Variants in PACRG observed in about 807,000 individuals in gnomAD.
PACRG encodes parkin coregulated gene protein.
In PACRG, 29 loss-of-function variants were observed where a neutral mutation model predicts 29.7. That is an observed-to-expected ratio of 0.98 (90% CI 0.73 to 1.33). The LOEUF is 1.33. Ranked by LOEUF, PACRG falls within the 40% of genes most tolerant of loss-of-function variation. The pLI is 0.00. For synonymous variants in PACRG, 116 were observed against 118.7 expected, an observed-to-expected ratio of 0.98 and a Z score of 0.15; for missense variants, 279 against 316.2, an observed-to-expected ratio of 0.88 and a Z score of 0.89.
At position 163,234,190 on chromosome 6, in the gene PACRG, C is replaced by T. The variant is rs890024285; in HGVS notation, c.614-80637C>T. On this transcript the variant is annotated intron_variant, in intron 4 of 4. Coordinates refer to ENST00000366888, the MANE Select transcript of PACRG (RefSeq NM_001080379.2). ...TATGGTTTGGATATAGCTTGTTTGG[C>T]GCTGCCAAGTCTCATGTTGAAATTT... Among the ~76,000 whole-genome samples the T allele has an allele frequency of 5.3e-5, 8 of 151,892 alleles. No individual in the cohort carries two copies. The East Asian group carries it at 1.2e-3, about 22-fold the overall frequency.
At chr6:163,116,718 G>T (rs1028304041) in intron 4 of PACRG, among the ~76,000 whole-genome samples, 1 of 152,224 alleles carries the variant, frequency 6.6e-6, no homozygotes, top group Non-Finnish European at 1.5e-5. Context: ...CAGGATAATG[G>T]AGAGGAGGAA....
Position 163,118,410 on chromosome 6 carries a change from G to T in PACRG, c.613+29002G>T, listed in dbSNP as rs561500594. Among the ~76,000 whole-genome samples the T allele has an allele frequency of 2.6e-5, 4 of 152,336 alleles. No individual in the cohort carries two copies. The South Asian group carries it at 8.3e-4, about 32-fold the overall frequency. Reference sequence around the variant, plus strand: ...ATGTGGAAGGGAAGGTTTGAGAGAAGTGAGGCCCCATTCTTTAAGGTGTGA... The same window carrying T: ...ATGTGGAAGGGAAGGTTTGAGAGAATTGAGGCCCCATTCTTTAAGGTGTGA... On this transcript the variant is annotated intron_variant, in intron 4 of 4. Transcript: ENST00000366888.
intron 4 of PACRG, among the ~76,000 whole-genome samples, chr6:163,272,214 T>G (rs1196383189): frequency 6.6e-6 from 1 of 152,114 alleles, no homozygotes; most frequent in Non-Finnish European, 1.5e-5. Flanking sequence ...AATTTTTGTA[T>G]TTTTAGTAGA....
At chr6:163,040,779 G>T (rs1278646418) in intron 2 of PACRG, among the ~76,000 whole-genome samples, 1 of 152,186 alleles carries the variant, frequency 6.6e-6, no homozygotes, top group Admixed American at 6.5e-5. Flanking sequence ...TTTACCCAAT[G>T]CCTGTACCCC....
At chr6:163,129,318 T>C (rs1390975440) in intron 4 of PACRG, among the ~76,000 whole-genome samples, 1 of 152,252 alleles carries the variant, frequency 6.6e-6, no homozygotes, top group Non-Finnish European at 1.5e-5. Context: ...TCACAGGACA[T>C]TGTCGTTTTT....
At chr6:163,154,094 A>G (rs1778216615) in intron 4 of PACRG, among the ~76,000 whole-genome samples, 1 of 152,228 alleles carries the variant, frequency 6.6e-6, no homozygotes, top group African/African-American at 2.4e-5. Flanking sequence ...GGGATGTCCC[A>G]GTCTCAGAAC....
At chr6:163,026,580 A>G (rs1807150893) in intron 2 of PACRG, among the ~76,000 whole-genome samples, 1 of 152,196 alleles carries the variant, frequency 6.6e-6, no homozygotes. Context: ...TGTTGGTAGG[A>G]GAAGCATCAA....
intron 1 of PACRG, among the ~76,000 whole-genome samples, chr6:162,807,128 A>G (rs1280022281): frequency 6.6e-6 from 1 of 152,190 alleles, no homozygotes; most frequent in Non-Finnish European, 1.5e-5. Context: ...CACAGAATTG[A>G]AGACAGTTAG....
intron 2 of PACRG, among the ~76,000 whole-genome samples, chr6:162,886,290 G>T (rs766978496): frequency 7.2e-5 from 11 of 152,008 alleles, no homozygotes; most frequent in Non-Finnish European, 1.3e-4. Context: ...AGTGTCTCTG[G>T]CCAGTCATTC....
At chr6:162,862,331 T>C (rs1397514195) in intron 2 of PACRG, among the ~76,000 whole-genome samples, 1 of 152,118 alleles carries the variant, frequency 6.6e-6, no homozygotes, top group Non-Finnish European at 1.5e-5. Flanking sequence ...GAGAGGGAAG[T>C]GCTGGCTGAA....
At chr6:163,199,269 C>G (rs1215687901) in intron 4 of PACRG, among the ~76,000 whole-genome samples, 3 of 152,190 alleles carry the variant, frequency 2.0e-5, no homozygotes, top group Non-Finnish European at 4.4e-5. Flanking sequence ...GTTTCCTGCC[C>G]TCAACTAAAT....
At chr6:162,742,728 A>G (rs887711132) in intron 1 of PACRG, among the ~76,000 whole-genome samples, 2 of 152,038 alleles carry the variant, frequency 1.3e-5, no homozygotes, top group Admixed American at 6.6e-5. Context: ...TTCTTTAACT[A>G]TTCATCCATT....
chr6:163,124,410 A>G (rs1416959128), intron 4 of PACRG, among the ~76,000 whole-genome samples: 1 of 152,178 alleles, frequency 6.6e-6, no homozygotes, highest in African/African-American at 2.4e-5. Context: ...ATAATCAATT[A>G]CCTAAGACCT....
intron 1 of PACRG, among the ~76,000 whole-genome samples, chr6:162,757,202 A>T (rs1781993809): frequency 6.6e-6 from 1 of 152,118 alleles, no homozygotes; most frequent in African/African-American, 2.4e-5. Flanking sequence ...TGTTGAGGTG[A>T]TCATCAGTTT....
chr6:162,739,882 A>G (rs1780444074), intron 1 of PACRG, among the ~76,000 whole-genome samples: 1 of 151,110 alleles, frequency 6.6e-6, no homozygotes, highest in Admixed American at 6.6e-5. Context: ...GTTTCAAAAG[A>G]ATTTTTTTGA....
At chr6:163,308,956 T>G (rs145944991) in intron 4 of PACRG, among the ~76,000 whole-genome samples, 62 of 152,352 alleles carry the variant, frequency 4.1e-4, no homozygotes, top group African/African-American at 1.5e-3. Context: ...TGAAATTTTT[T>G]AGTTCAGCAT....
At chr6:162,985,752 G>C (rs1382070917) in intron 2 of PACRG, among the ~76,000 whole-genome samples, 2 of 152,050 alleles carry the variant, frequency 1.3e-5, no homozygotes, top group Admixed American at 1.3e-4. Context: ...AAATGGTAAA[G>C]AGGAAGTCAA....
intron 4 of PACRG, among the ~76,000 whole-genome samples, chr6:163,168,945 T>C (rs1476078733): frequency 2.0e-5 from 3 of 152,204 alleles, no homozygotes; most frequent in Non-Finnish European, 2.9e-5. Flanking sequence ...GCAAAAGATA[T>C]CCATATTTGA....
At chr6:163,031,446 G>T (rs1345800289) in intron 2 of PACRG, among the ~76,000 whole-genome samples, 1 of 152,124 alleles carries the variant, frequency 6.6e-6, no homozygotes, top group South Asian at 2.1e-4. Context: ...GAATAAGCAC[G>T]GTTAGCCTAA....
Sources: allele counts gnomAD v4.1 joint callset (sites outside exome capture counted in the v4.1 genomes callset), GRCh38; gene constraint gnomAD v4.1.1; transcripts MANE v1.5; gene names NCBI Gene and HGNC (gene_info 2026-07-23, HGNC 2026-07-21).